CPLANE1: variants seen among roughly 807,000 people sequenced by gnomAD.
CPLANE1 encodes ciliogenesis and planar polarity effector complex subunit 1, also known as ciliogenesis and planar polarity effector 1.
CPLANE1 carries 263 observed loss-of-function variants against 362.5 expected under a neutral mutation model. The ratio of observed to expected loss-of-function variants is 0.73; its 90% CI spans 0.66 to 0.80. The LOEUF is 0.80. CPLANE1 is among the 30% of genes least tolerant of loss of function. CPLANE1 has a pLI of 0.00. For missense variants in CPLANE1, 3,461 were observed against 3,793.4 expected, an observed-to-expected ratio of 0.91 and a Z score of 2.30; for synonymous variants, 1,212 against 1,302.6, an observed-to-expected ratio of 0.93 and a Z score of 1.50.
At chr5:37,129,920 T>A (rs2150209107) in intron 46 of CPLANE1, among the ~76,000 whole-genome samples, 1 of 152,172 alleles carries the variant, frequency 6.6e-6, no homozygotes, top group African/African-American at 2.4e-5. Context: ...AAGAAGTCAT[T>A]ATATGAAAAA....
At chr5:37,196,125 A>G in intron 20 of CPLANE1, 129 bp from the exon 21 acceptor site, 2 of 576,192 alleles carry the variant, frequency 3.5e-6, no homozygotes, top group South Asian at 5.8e-5. Flanking sequence ...GAAATCAGCT[A>G]TATTTTCAGA....
rs763545792 is a variant in CPLANE1 at position 37,118,027 on chromosome 5, T to C, written c.9310+2189A>G. 4.7e-4 allele frequency among the ~76,000 whole-genome samples: 71 copies of C among 152,240 alleles called. 1 individual carries two copies. The highest frequency in any genetic ancestry group is 1.6e-4 in the Non-Finnish European group (11 of 68,046). ...CAGGTACAAAATAAGTTTTTTTATA[T>C]AAGCATGTTTCACTATTTTGAAATT... On this transcript the variant is annotated intron_variant, in intron 50 of 52. Coordinates refer to ENST00000651892, the MANE Select transcript of CPLANE1 (RefSeq NM_001384732.1).
intron 16 of CPLANE1, chr5:37,211,505 C>G: frequency 7.4e-7 from 1 of 1,347,426 alleles, no homozygotes. Flanking sequence ...GGAATGACAT[C>G]TTGGAAGCCC....
intron 4 of CPLANE1, among the ~76,000 whole-genome samples, chr5:37,244,947 C>T (rs1284668763): frequency 2.6e-5 from 4 of 151,780 alleles, no homozygotes; most frequent in Non-Finnish European, 1.5e-5. Flanking sequence ...GTCAGGAGAT[C>T]AAGACCATCC....
intron 16 of CPLANE1, chr5:37,211,925 C>T (rs780469388): frequency 3.3e-5 from 26 of 798,766 alleles, no homozygotes; most frequent in African/African-American, 1.0e-4. Context: ...TTCATATGGG[C>T]GCAGCTGTAG....
In CPLANE1 at chr5:37,195,934, A is replaced by C; in HGVS notation, c.3735T>G (p.Cys1245Trp). The stretch of plus-strand genomic sequence containing the variant: ...GTCTAAAAAATGCGATACCTCCTTT[A>C]CAGTAATTAAGTAATGACTGAGGAA... ...SPFPQSLLNY[C>W]KGGIAFFRPG... The change falls in exon 21 of 53, where the codon TGT (cysteine) becomes TGG (tryptophan). Residue 1245 changes from cysteine to tryptophan, a missense_variant. By Grantham distance (215) the Cys-to-Trp change is radical. This residue lies in a region of CPLANE1 where 3,380 missense variants were observed against 3,666.1 expected (regional missense o/e 0.92). Coordinates refer to ENST00000651892, the MANE Select transcript of CPLANE1 (RefSeq NM_001384732.1). 6.2e-7 allele frequency: 1 copy of C among 1,612,526 alleles called. No individual in the cohort carries two copies. Among genetic ancestry groups the C allele is most frequent in the Non-Finnish European group, 8.5e-7 (1 of 1,179,186 alleles).
chr5:37,249,216 C>T (rs1368958617), intron 1 of CPLANE1, 29 bp downstream of exon 1: 1 of 152,668 alleles, frequency 6.6e-6, no homozygotes, highest in Non-Finnish European at 1.5e-5. Flanking sequence ...AGGCCAGGAT[C>T]GCGGGGTAAG....
intron 33 of CPLANE1, among the ~76,000 whole-genome samples, 166 bp downstream of exon 33, chr5:37,169,875 C>T (rs1480805565): frequency 1.4e-4 from 21 of 151,930 alleles, no homozygotes; most frequent in Non-Finnish European, 4.4e-5. Flanking sequence ...TACAGGCATG[C>T]GCCACCACAC....
intron 51 of CPLANE1, among the ~76,000 whole-genome samples, chr5:37,109,389 A>C (rs1758465297): frequency 6.6e-6 from 1 of 152,176 alleles, no homozygotes; most frequent in Non-Finnish European, 1.5e-5. Context: ...CCTTGAACTT[A>C]CCAGACATTC....
intron 46 of CPLANE1, among the ~76,000 whole-genome samples, chr5:37,135,163 T>C (rs540484307): frequency 2.6e-5 from 4 of 152,204 alleles, no homozygotes; most frequent in Non-Finnish European, 5.9e-5. Flanking sequence ...TTCGTTTTCA[T>C]TTATTTCAAA....
chr5:37,167,268 T>G, intron 34 of CPLANE1, 55 bp from the exon 35 acceptor site: 2 of 1,376,258 alleles, frequency 1.5e-6, no homozygotes, highest in Non-Finnish European at 2.0e-6. Context: ...AATTATGTAA[T>G]ATTTCAACAA....
chr5:37,212,477 G>C (rs945554443), intron 16 of CPLANE1: 2 of 517,288 alleles, frequency 3.9e-6, no homozygotes, highest in African/African-American at 4.2e-5. Context: ...ATAAAACTCT[G>C]AATAAAAATG....
intron 46 of CPLANE1, among the ~76,000 whole-genome samples, chr5:37,132,408 A>G (rs966019333): frequency 8.4e-5 from 12 of 143,514 alleles, no homozygotes; most frequent in Admixed American, 3.0e-4. Context: ...GCATTGGCGC[A>G]ATCTCGGCTC....
At chr5:37,204,168 A>T (rs1790031329) in intron 18 of CPLANE1, among the ~76,000 whole-genome samples, 1 of 152,198 alleles carries the variant, frequency 6.6e-6, no homozygotes, top group African/African-American at 2.4e-5. Flanking sequence ...CTTTTCATTG[A>T]TTAAAGCAAA....
In CPLANE1 at chr5:37,162,512, T is replaced by G; in HGVS notation, c.7643A>C (p.Lys2548Thr). The G allele has an allele frequency of 6.2e-7, 1 of 1,613,290 alleles. No individual in the cohort carries two copies. The highest frequency in any genetic ancestry group is 8.5e-7 in the Non-Finnish European group (1 of 1,179,452). Residue 2548 changes from lysine to threonine, a missense_variant, in exon 38 of 53, where the codon AAA becomes ACA. Around this residue, in one of 2 missense-constraint regions of CPLANE1, gnomAD observed 3,380 missense variants for 3,666.1 expected, o/e 0.92. Transcript: ENST00000651892. ...ATCTTGACTTCCTATAGCTTTCTTT[T>G]TTACAGAGGCCATGAAATGCAATCC... Reference protein sequence around the residue: ...SAGLHFMASVKKKAIGSQDAS... With the variant: ...SAGLHFMASVTKKAIGSQDAS...
intron 36 of CPLANE1, 58 bp from the exon 37 acceptor site, chr5:37,164,385 GA>G (rs985112383): frequency 7.8e-5 from 104 of 1,332,450 alleles, no homozygotes; most frequent in Admixed American, 3.5e-4. Flanking sequence ...TATTATTTTT[GA>G]AAAAAAAATC....
chr5:37,113,503 C>A (rs1759947763), intron 51 of CPLANE1, among the ~76,000 whole-genome samples: 1 of 152,178 alleles, frequency 6.6e-6, no homozygotes, highest in African/African-American at 2.4e-5. Flanking sequence ...AATACACAAG[C>A]ACAGGAAATG....
chr5:37,107,260 C>T lies in CPLANE1; in HGVS notation c.*342G>A. 9.7e-7 allele frequency: 1 copy of T among 1,026,464 alleles called. No individual in the cohort carries two copies. 63.6% of individuals were successfully genotyped at this position (1,026,464 alleles called of 1,614,324 possible). A position where few individuals can be genotyped will look rare whatever the true frequency, so the allele number is the denominator to read the frequency against. ...CTGTATATGGTTGTTTCTCAAAACT[C>T]AGAGGGTAATAAAGGAGGAGGCAAG... On this transcript the variant is annotated 3_prime_UTR_variant, in exon 53 of 53. Coordinates refer to ENST00000651892, the MANE Select transcript of CPLANE1 (RefSeq NM_001384732.1).
rs973944735 is a variant in CPLANE1, at chr5:37,194,590, G to T, written c.3811+1268C>A. Reference sequence around the variant, plus strand: ...AAGCATTTCAATGCCGTTTCGGTTGGAAAAACAGACAATCTGAGCCCCAGG... The same window carrying T: ...AAGCATTTCAATGCCGTTTCGGTTGTAAAAACAGACAATCTGAGCCCCAGG... On this transcript the variant is annotated intron_variant, in intron 21 of 52. Coordinates refer to ENST00000651892, the MANE Select transcript of CPLANE1 (RefSeq NM_001384732.1). Among the ~76,000 whole-genome samples, 27 of 151,686 alleles carry T rather than the reference G, an allele frequency of 1.8e-4. No homozygotes were observed. In the South Asian group the frequency reaches 2.1e-3, roughly 12 times the overall value.
Sources: allele counts gnomAD v4.1 joint callset (sites outside exome capture counted in the v4.1 genomes callset), GRCh38; gene constraint gnomAD v4.1.1; regional missense constraint gnomAD v4.1.1; transcripts MANE v1.5; gene names NCBI Gene and HGNC (gene_info 2026-07-23, HGNC 2026-07-21).